ITPKA: variants seen among roughly 807,000 people sequenced by gnomAD.
The protein encoded by ITPKA is inositol-trisphosphate 3-kinase A, also known as IP3 3-kinase A.
Under a neutral mutation model 40.7 loss-of-function variants are expected in ITPKA, and 16 were observed. The observed-to-expected ratio is 0.39, with a 90% CI of 0.27 to 0.60. ITPKA has a LOEUF of 0.60. Among genes scored for constraint, ITPKA ranks in the 20% least tolerant of loss-of-function variants. The probability of loss-of-function intolerance (pLI) is 0.50; values close to 1 mark genes in which losing one functional copy is unlikely to be tolerated. For missense variants in ITPKA, 540 were observed against 649.3 expected, an observed-to-expected ratio of 0.83 and a Z score of 1.83; for synonymous variants, 313 against 289.9, an observed-to-expected ratio of 1.08 and a Z score of -0.81.
In ITPKA at chr15:41,502,968, C is replaced by T; in HGVS notation, c.1188C>T (p.Ile396=). 7 of 1,598,520 alleles carry T rather than the reference C, an allele frequency of 4.4e-6. No homozygotes were observed. The highest frequency in any genetic ancestry group is 2.3e-5 in the East Asian group (1 of 44,270). ...TGACGGTGCGGGGCTCGCAGGTGAT[C>T]GGCAGCTCGCTCCTCTTTGTGCACG... ...VSEFFRRHEV[I]GSSLLFVHDH... The change falls in exon 7 of 7, where the codon ATC becomes ATT. Residue 396 remains isoleucine, a synonymous_variant. Transcript: ENST00000260386.
At chr15:41,496,041 TG>T (rs1305219417) in intron 1 of ITPKA, among the ~76,000 whole-genome samples, 3 of 152,234 alleles carry the variant, frequency 2.0e-5, no homozygotes, top group African/African-American at 7.2e-5. Context: ...GCTCCAAGGC[TG>T]CGGCTTCCAG....
intron 1 of ITPKA, among the ~76,000 whole-genome samples, chr15:41,495,940 C>G (rs1477822673): frequency 1.3e-5 from 2 of 152,206 alleles, no homozygotes; most frequent in East Asian, 3.9e-4. Context: ...AGAGACCGCC[C>G]CGGCTAAGGT....
intron 1 of ITPKA, among the ~76,000 whole-genome samples, chr15:41,495,008 C>A (rs1476097350): frequency 2.6e-5 from 4 of 152,218 alleles, no homozygotes; most frequent in South Asian, 2.1e-4. Flanking sequence ...CCACCCAGTG[C>A]GCGCCCTGCC....
In ITPKA at chr15:41,501,842, T is replaced by C; in HGVS notation, c.794T>C (p.Met265Thr). The change falls in exon 3 of 7, where the codon ATG becomes ACG. Residue 265 changes from methionine to threonine, a missense_variant. Physicochemically the swap from Met to Thr is moderately conservative, Grantham distance 81. Coordinates refer to ENST00000260386, the MANE Select transcript of ITPKA (RefSeq NM_002220.3). The part of the protein sequence containing the change: ...FDGPCVLDCK[M>T]GVRTYLEEEL... Reference sequence around the variant, plus strand: ...GGACCTTGTGTGCTCGACTGCAAAATGGGCGTCAGGTATGCGTGCCCTGCC... The same window carrying C: ...GGACCTTGTGTGCTCGACTGCAAAACGGGCGTCAGGTATGCGTGCCCTGCC... 1 of 1,612,808 alleles carries C rather than the reference T, an allele frequency of 6.2e-7. No homozygotes were observed. The highest frequency in any genetic ancestry group is 8.5e-7 in the Non-Finnish European group (1 of 1,179,712).
Position 41,503,079 on chromosome 15 carries a change from G to T in ITPKA, c.1299G>T (p.Arg433=), listed in dbSNP as rs370620794. The T allele has an allele frequency of 2.5e-6, 4 of 1,607,450 alleles. No individual in the cohort carries two copies. The highest frequency in any genetic ancestry group is 3.4e-6 in the Non-Finnish European group (4 of 1,174,978). The change falls in exon 7 of 7, where the codon CGG becomes CGT. Residue 433 remains arginine, a synonymous_variant. Transcript: ENST00000260386. The part of the protein sequence containing the change: ...LPDGQILDHR[R]PWEEGNREDG... ...ATGGCCAGATCCTGGACCACCGGCG[G>T]CCCTGGGAGGAGGGCAACCGCGAGG...
chr15:41,503,143 C>G lies in ITPKA; in HGVS notation c.1363C>G (p.Leu455Val), dbSNP rs769168955. 15 of 1,588,898 alleles carry G rather than the reference C, an allele frequency of 9.4e-6. No homozygotes were observed. In the East Asian group the frequency reaches 3.2e-4, roughly 34 times the overall value. The change falls in exon 7 of 7, where the codon CTG (leucine) becomes GTG (valine). Residue 455 changes from leucine (L) to valine (V), a missense_variant. Coordinates refer to ENST00000260386, the MANE Select transcript of ITPKA (RefSeq NM_002220.3). The stretch of plus-strand genomic sequence containing the variant: ...GGGGCTGGACAATCTCATTGGCATC[C>G]TGGCCAGCCTGGCTGAGAGATGAGG... Reference protein sequence around the residue: ...LLGLDNLIGILASLAER With the variant: ...LLGLDNLIGIVASLAER
At chr15:41,495,887 G>C (rs2051067304) in intron 1 of ITPKA, among the ~76,000 whole-genome samples, 1 of 152,256 alleles carries the variant, frequency 6.6e-6, no homozygotes, top group African/African-American at 2.4e-5. Context: ...GCCTGGGAGA[G>C]GGAGTGCGCT....
At position 41,502,957 on chromosome 15, in the gene ITPKA, T is replaced by TCGCA. The variant is rs752833106; in HGVS notation, c.1183-5_1183-2dup. On this transcript the variant is annotated splice_polypyrimidine_tract_variant and splice_region_variant and intron_variant, in intron 6 of 6. Coordinates refer to ENST00000260386, the MANE Select transcript of ITPKA (RefSeq NM_002220.3). ...GGGCCGCGGCCTGACGGTGCGGGGC[T>TCGCA]CGCAGGTGATCGGCAGCTCGCTCCT... The TCGCA allele has an allele frequency of 1.6e-5, 26 of 1,596,574 alleles. No homozygotes were observed. Among genetic ancestry groups the TCGCA allele is most frequent in the Non-Finnish European group, 2.2e-5 (26 of 1,170,244 alleles).
Position 41,494,323 on chromosome 15 carries a change from G to A in ITPKA, c.396G>A (p.Ser132=), listed in dbSNP as rs1052898869. 2.0e-6 allele frequency: 3 copies of A among 1,532,374 alleles called. No individual in the cohort carries two copies. Among genetic ancestry groups the A allele is most frequent in the Non-Finnish European group, 2.6e-6 (3 of 1,146,716 alleles). The allele number at this position is 1,532,374 out of a possible 1,614,324, so 94.9% of individuals were successfully genotyped here. A position where few individuals can be genotyped will look rare whatever the true frequency, so the allele number is the denominator to read the frequency against. The change falls in exon 1 of 7, where the codon TCG becomes TCA. Residue 132 remains serine, a synonymous_variant. Coordinates refer to ENST00000260386, the MANE Select transcript of ITPKA (RefSeq NM_002220.3). This position sits in a 1 kb window ranked among gnomAD's most constrained non-coding sequence, Gnocchi z 7.8. ...CGGTCTCCTCCACTGGCTCCTCGTC[G>A]CTGCTCGAGGACTCGGAGGACGACC... ...TSSVSSTGSS[S]LLEDSEDDLL... is the part of the protein sequence containing the mutation.
Position 41,494,330 on chromosome 15 carries a change from G to C in ITPKA, c.403G>C (p.Glu135Gln). 6.5e-7 allele frequency: 1 copy of C among 1,528,676 alleles called. No individual in the cohort carries two copies. The highest frequency in any genetic ancestry group is 8.7e-7 in the Non-Finnish European group (1 of 1,144,720). The allele number at this position is 1,528,676 out of a possible 1,614,324, so 94.7% of individuals were successfully genotyped here. A position where few individuals can be genotyped will look rare whatever the true frequency, so the allele number is the denominator to read the frequency against. Residue 135 changes from glutamate to glutamine, a missense_variant, in exon 1 of 7, where the codon GAG becomes CAG. By Grantham distance (29) the Glu-to-Gln change is conservative. Coordinates refer to ENST00000260386, the MANE Select transcript of ITPKA (RefSeq NM_002220.3). This position sits in a 1 kb window ranked among gnomAD's most constrained non-coding sequence, Gnocchi z 7.8. ...CTCCACTGGCTCCTCGTCGCTGCTCGAGGACTCGGAGGACGACCTGCTGAG... is the reference window on the plus strand; with the variant it reads ...CTCCACTGGCTCCTCGTCGCTGCTCCAGGACTCGGAGGACGACCTGCTGAG... ...VSSTGSSSLL[E>Q]DSEDDLLSDS...
intron 1 of ITPKA, among the ~76,000 whole-genome samples, chr15:41,496,191 T>C (rs1032094145): frequency 2.6e-5 from 4 of 152,204 alleles, no homozygotes; most frequent in African/African-American, 9.6e-5. Flanking sequence ...TCGCCGCAGG[T>C]CCCAGAGCCG....
chr15:41,498,768 T>C (rs772589623), intron 1 of ITPKA, among the ~76,000 whole-genome samples: 67 of 152,352 alleles, frequency 4.4e-4, no homozygotes, highest in Non-Finnish European at 7.5e-4. Context: ...GACTGCCTTA[T>C]TGCTGCACAT....
intron 1 of ITPKA, among the ~76,000 whole-genome samples, chr15:41,498,567 G>T (rs2051089561): frequency 6.6e-6 from 1 of 152,144 alleles, no homozygotes; most frequent in African/African-American, 2.4e-5. Flanking sequence ...GGATGGTTCA[G>T]TTCCCTCACC....
At chr15:41,500,024 G>C (rs952995335) in intron 1 of ITPKA, among the ~76,000 whole-genome samples, 2 of 152,010 alleles carry the variant, frequency 1.3e-5, no homozygotes, top group African/African-American at 4.8e-5. Flanking sequence ...GCAGTGGCTC[G>C]ATCACAGCTC....
Position 41,502,196 on chromosome 15 carries a change from A to G in ITPKA, c.1003A>G (p.Ile335Val), listed in dbSNP as rs762767366. ...STTLGFRIEG[I>V]KKADGSCSTD... ...CACCCTCGGCTTCCGCATCGAGGGC[A>G]TCAAGGTGAGGCAGGCGCGCTTCGC... is the stretch of plus-strand genomic sequence containing the variant. The change falls in exon 4 of 7, where the codon ATC becomes GTC. Residue 335 changes from isoleucine to valine, a missense_variant. Physicochemically the swap from Ile to Val is conservative, Grantham distance 29 (BLOSUM62 3). Transcript: ENST00000260386. 18 of 1,575,994 alleles carry G rather than the reference A, an allele frequency of 1.1e-5. No individual in the cohort carries two copies. The Admixed American group carries it at 3.2e-4, about 28-fold the overall frequency.
rs1458814721 is a variant in ITPKA, at chr15:41,503,001, C to T, written c.1221C>T (p.Cys407=). The change falls in exon 7 of 7, where the codon TGC becomes TGT. Residue 407 remains cysteine, a synonymous_variant. Transcript: ENST00000260386. Reference sequence around the variant, plus strand: ...CGCTCCTCTTTGTGCACGATCACTGCCATCGCGCCGGCGTGTGGCTCATCG... The same window carrying T: ...CGCTCCTCTTTGTGCACGATCACTGTCATCGCGCCGGCGTGTGGCTCATCG... ...GSSLLFVHDH[C]HRAGVWLIDF... is the part of the protein sequence containing the mutation. The T allele has an allele frequency of 1.9e-6, 3 of 1,607,728 alleles. No homozygotes were observed. Among genetic ancestry groups the T allele is most frequent in the Admixed American group, 1.7e-5 (1 of 59,650 alleles).
intron 2 of ITPKA, 31 bp downstream of exon 2, chr15:41,501,590 G>GCGAC: frequency 6.4e-7 from 1 of 1,570,252 alleles, no homozygotes; most frequent in Non-Finnish European, 8.6e-7. Flanking sequence ...GCGGGTGCCC[G>GCGAC]CGACGGGAAG....
intron 1 of ITPKA, among the ~76,000 whole-genome samples, chr15:41,497,967 C>G (rs1220530122): frequency 6.6e-6 from 1 of 152,054 alleles, no homozygotes; most frequent in Non-Finnish European, 1.5e-5. Context: ...GCCTGGCCAA[C>G]ATGATGAAAC....
At chr15:41,498,434 C>T (rs2051088971) in intron 1 of ITPKA, among the ~76,000 whole-genome samples, 1 of 152,102 alleles carries the variant, frequency 6.6e-6, no homozygotes, top group African/African-American at 2.4e-5. Context: ...CACCATTTTA[C>T]CCCTGCTTGG....
Sources: gnomAD v4.1 joint callset for allele counts (sites outside exome capture counted in the v4.1 genomes callset) on GRCh38, gnomAD v4.1.1 for gene constraint, Gnocchi (gnomAD v3.1) non-coding constraint, MANE v1.5 for transcripts, NCBI Gene and HGNC (gene_info 2026-07-23, HGNC 2026-07-21) for gene names.